PDZRN3: variants seen among roughly 807,000 people sequenced by gnomAD.
PDZRN3 encodes the protein PDZ domain containing ring finger 3, also known as E3 ubiquitin-protein ligase PDZRN3.
In PDZRN3, 38 loss-of-function variants were observed where a neutral mutation model predicts 85.7. That is an observed-to-expected ratio of 0.44 (90% CI 0.34 to 0.58). PDZRN3 has a LOEUF of 0.58. Ranked by LOEUF, PDZRN3 falls within the 20% of genes least tolerant of loss-of-function variation. PDZRN3 has a pLI of 0.01. For synonymous variants in PDZRN3, 759 were observed against 638.0 expected (o/e 1.19, Z -2.86); for missense variants, 1,629 against 1,506.4 (o/e 1.08, Z -1.35).
chr3:73,431,537 T>C (rs1172342717), intron 3 of PDZRN3, among the ~76,000 whole-genome samples: 1 of 152,224 alleles, frequency 6.6e-6, no homozygotes, highest in East Asian at 1.9e-4. Context: ...CTTTGCATAA[T>C]AAGAGCGAGA....
chr3:73,517,143 G>C (rs577165570), intron 3 of PDZRN3, among the ~76,000 whole-genome samples: 16 of 152,316 alleles, frequency 1.1e-4, no homozygotes, highest in African/African-American at 3.8e-4. Flanking sequence ...GCCACATGTG[G>C]AAGGATAGAA....
intron 1 of PDZRN3, among the ~76,000 whole-genome samples, chr3:73,617,054 T>A (rs564406518): frequency 2.6e-5 from 4 of 152,180 alleles, no homozygotes; most frequent in South Asian, 2.1e-4. Context: ...CCCTCACCTA[T>A]CCAAACACAG....
chr3:73,509,081 C>T (rs1430575857), intron 3 of PDZRN3, among the ~76,000 whole-genome samples: 1 of 152,236 alleles, frequency 6.6e-6, no homozygotes, highest in East Asian at 1.9e-4. Flanking sequence ...TGGTGTTTAA[C>T]TCTCCTAAGC....
intron 3 of PDZRN3, among the ~76,000 whole-genome samples, chr3:73,498,536 T>C (rs1268999384): frequency 6.6e-6 from 1 of 152,126 alleles, no homozygotes; most frequent in Admixed American, 6.6e-5. Context: ...CGCTACCTTT[T>C]TGTGCTAGCA....
At chr3:73,571,377 C>T (rs1208072556) in intron 3 of PDZRN3, among the ~76,000 whole-genome samples, 2 of 152,156 alleles carry the variant, frequency 1.3e-5, no homozygotes, top group East Asian at 1.9e-4. Context: ...AAACAGATAG[C>T]GTCAACCATT....
intron 3 of PDZRN3, among the ~76,000 whole-genome samples, chr3:73,480,079 G>A (rs1311483994): frequency 6.6e-6 from 1 of 152,128 alleles, no homozygotes; most frequent in Non-Finnish European, 1.5e-5. Flanking sequence ...AGGACCTGAG[G>A]CCAGGGTCTA....
intron 3 of PDZRN3, 36 bp from the exon 4 acceptor site, chr3:73,404,431 A>G: frequency 6.3e-7 from 1 of 1,582,816 alleles, no homozygotes. Flanking sequence ...CAAGGTTAGA[A>G]TAAAGCAGAA....
At chr3:73,440,397 G>T (rs972729402) in intron 3 of PDZRN3, among the ~76,000 whole-genome samples, 1 of 152,158 alleles carries the variant, frequency 6.6e-6, no homozygotes, top group African/African-American at 2.4e-5. Context: ...ACTGCCACAG[G>T]AACTGAGAAT....
rs748638236 is a variant in PDZRN3 at position 73,384,071 on chromosome 3, T to C, written c.2495A>G (p.Asn832Ser). ...YSPSLKELDPNQPLESKERRA... is the reference protein window; with the variant it reads ...YSPSLKELDPSQPLESKERRA... ...CCGCTCTTTGCTTTCCAGGGGCTGG[T>C]TGGGGTCCAGCTCCTTCAGGGACGG... The change falls in exon 10 of 10, where the codon AAC (asparagine) becomes AGC (serine). Residue 832 changes from asparagine (N) to serine (S), a missense_variant. Transcript: ENST00000263666. The C allele has an allele frequency of 3.1e-6, 5 of 1,611,098 alleles. No homozygotes were observed. The South Asian group carries it at 4.4e-5, about 14-fold the overall frequency.
chr3:73,523,659 CA>C (rs1302516321), intron 3 of PDZRN3, among the ~76,000 whole-genome samples: 1 of 152,002 alleles, frequency 6.6e-6, no homozygotes, highest in African/African-American at 2.4e-5. Flanking sequence ...ATCACAAAAA[CA>C]GAACAGTTGG....
intron 3 of PDZRN3, among the ~76,000 whole-genome samples, chr3:73,562,983 TTATATATATATATATATATA>T (rs56679097): frequency 5.3e-5 from 1 of 18,950 alleles, no homozygotes; most frequent in African/African-American, 1.4e-4. Context: ...AGTTGGCAAA[TTATATATATATATATATATA>T]TATATATATA....
At chr3:73,439,802 G>A (rs1000131399) in intron 3 of PDZRN3, among the ~76,000 whole-genome samples, 1 of 150,186 alleles carries the variant, frequency 6.7e-6, no homozygotes, top group African/African-American at 2.5e-5. Flanking sequence ...GCAGTGGTGT[G>A]ATCTCGGCTC....
At chr3:73,513,491 A>G (rs963398706) in intron 3 of PDZRN3, among the ~76,000 whole-genome samples, 6 of 152,192 alleles carry the variant, frequency 3.9e-5, no homozygotes, top group Non-Finnish European at 5.9e-5. Flanking sequence ...AACGTGCTGG[A>G]CCCTGGCCAG....
chr3:73,401,003 G>A lies in PDZRN3; in HGVS notation c.1173C>T (p.Pro391=), dbSNP rs1701737677. 1 of 1,610,810 alleles carries A rather than the reference G, an allele frequency of 6.2e-7. No individual in the cohort carries two copies. Among genetic ancestry groups the A allele is most frequent in the Admixed American group, 1.7e-5 (1 of 60,008 alleles). ...LDPYLLPEEH[P]SAHEYYDPND... is the part of the protein sequence containing the mutation. The stretch of plus-strand genomic sequence containing the variant: ...TTGGATCGTAGTATTCATGGGCTGA[G>A]GGATGCCTGAAAAGAGATGCAACAT... Residue 391 remains proline, a synonymous_variant, in exon 5 of 10, where the codon CCC becomes CCT. Coordinates refer to ENST00000263666, the MANE Select transcript of PDZRN3 (RefSeq NM_015009.3).
chr3:73,579,892 T>G (rs763831143), intron 3 of PDZRN3, among the ~76,000 whole-genome samples: 10 of 152,116 alleles, frequency 6.6e-5, no homozygotes, highest in Non-Finnish European at 1.5e-4. Context: ...TAGACTAAGC[T>G]CCTTCAGACC....
chr3:73,505,771 T>TA (rs1274848271), intron 3 of PDZRN3, among the ~76,000 whole-genome samples: 93 of 151,478 alleles, frequency 6.1e-4, no homozygotes, highest in African/African-American at 1.7e-3. Context: ...CTTGTTTTTT[T>TA]AAAAAAAAAC....
In PDZRN3 at chr3:73,577,252, T is replaced by C. The variant is rs546744388; in HGVS notation, c.918+25102A>G. Among the ~76,000 whole-genome samples, 3 of 152,332 alleles carry C rather than the reference T, an allele frequency of 2.0e-5. No homozygotes were observed. In the East Asian group the frequency reaches 5.8e-4, roughly 29 times the overall value. On this transcript the variant is annotated intron_variant, in intron 3 of 9. Transcript: ENST00000263666. Reference sequence around the variant, plus strand: ...ATAAACCCAAGGGATGAGAAACCCTTACATGACTAGCTTCTGCTGTGACTG... The same window carrying C: ...ATAAACCCAAGGGATGAGAAACCCTCACATGACTAGCTTCTGCTGTGACTG...
chr3:73,415,473 A>G (rs1204623734), intron 3 of PDZRN3, among the ~76,000 whole-genome samples: 1 of 152,172 alleles, frequency 6.6e-6, no homozygotes, highest in Admixed American at 6.5e-5. Context: ...TTTATACTTA[A>G]GATGTACAGC....
chr3:73,584,185 C>T lies in PDZRN3; in HGVS notation c.918+18169G>A, dbSNP rs573131641. Among the ~76,000 whole-genome samples the T allele has an allele frequency of 1.3e-4, 20 of 151,826 alleles. 1 individual carries two copies. Among genetic ancestry groups the T allele is most frequent in the Admixed American group, 8.5e-4 (13 of 15,252 alleles). On this transcript the variant is annotated intron_variant, in intron 3 of 9. Transcript: ENST00000263666. ...GGCCATTTATAACTTGCGACTTTTA[C>T]TTCAATGCTCTTAATGAGCAGAATC...
Sources: gnomAD v4.1 joint callset for allele counts (sites outside exome capture counted in the v4.1 genomes callset) on GRCh38, gnomAD v4.1.1 for gene constraint, MANE v1.5 for transcripts, NCBI Gene and HGNC (gene_info 2026-07-23, HGNC 2026-07-21) for gene names.